Variants in HOXA3 observed in about 807,000 individuals in gnomAD.
HOXA3 encodes the protein homeobox protein Hox-A3.
HOXA3 carries 8 observed loss-of-function variants against 30.3 expected under a neutral mutation model. The observed-to-expected ratio is 0.26, with a 90% CI of 0.15 to 0.48. The LOEUF (loss-of-function observed/expected upper bound fraction) is 0.48. Ranked by LOEUF, HOXA3 falls within the 20% of genes least tolerant of loss-of-function variation. HOXA3 has a pLI of 0.99. For missense variants in HOXA3, 653 were observed against 614.4 expected (o/e 1.06, Z -0.66); for synonymous variants, 323 against 273.1 (o/e 1.18, Z -1.80).
chr7:27,142,160 A>G (rs1351196069), intron 1 of HOXA3: 4 of 1,519,040 alleles, frequency 2.6e-6, no homozygotes, highest in Non-Finnish European at 2.6e-6. Context: ...AGCTTGGGTC[A>G]TGAGCAGGGA....
intron 2 of HOXA3, among the ~76,000 whole-genome samples, chr7:27,136,629 C>T (rs1179001575): frequency 6.6e-6 from 1 of 152,198 alleles, no homozygotes; most frequent in African/African-American, 2.4e-5. Context: ...ATTTACTTAA[C>T]CCGGCAGTGA....
intron 4 of HOXA3, among the ~76,000 whole-genome samples, chr7:27,118,594 A>G (rs1467321197): frequency 2.0e-5 from 3 of 152,214 alleles, no homozygotes; most frequent in Non-Finnish European, 4.4e-5. Context: ...CATATAAGAC[A>G]TACAAGCTTA....
rs1418077557 is a variant in HOXA3 at position 27,147,237 on chromosome 7, G to A, written c.-494+5051C>T. ...TTCTCTCTATTCCTCTTTCTACTCT[G>A]TTTCCTCCTTCTTTCTTTCTTTTCC... On this transcript the variant is annotated intron_variant, in intron 1 of 5. Transcript: ENST00000612286. 5 of 1,386,636 alleles carry A rather than the reference G, an allele frequency of 3.6e-6. No individual in the cohort carries two copies. The South Asian group carries it at 3.9e-5, about 11-fold the overall frequency. The allele number at this position is 1,386,636 out of a possible 1,614,324, so 85.9% of individuals were successfully genotyped here.
chr7:27,138,869 T>TTC (rs1785798744), intron 2 of HOXA3, among the ~76,000 whole-genome samples: 1 of 152,262 alleles, frequency 6.6e-6, no homozygotes, highest in Non-Finnish European at 1.5e-5. Context: ...ATTTCTTCCC[T>TTC]AAACTACCGT....
rs1214191301 is a variant in HOXA3 at position 27,108,686 on chromosome 7, C to T, written c.561G>A (p.Gly187=). Residue 187 remains glycine (G), a synonymous_variant, in exon 6 of 6, where the codon GGG becomes GGA. Coordinates refer to ENST00000612286, the MANE Select transcript of HOXA3 (RefSeq NM_153631.3). The surrounding 1 kb of genome is among the most constrained non-coding windows in gnomAD (Gnocchi z 5.0). ...TGCGCGCGCGCTTGGACGAAGCCTG[C>T]CCCGGCGGGCTCTTGTCGCCAGCGC... ...ESCAGDKSPP[G]QASSKRARTA... The T allele has an allele frequency of 1.2e-6, 2 of 1,607,170 alleles. No homozygotes were observed. Among genetic ancestry groups the T allele is most frequent in the Non-Finnish European group, 1.7e-6 (2 of 1,175,000 alleles).
chr7:27,135,734 T>A (rs964649824), intron 2 of HOXA3, among the ~76,000 whole-genome samples: 1 of 152,194 alleles, frequency 6.6e-6, no homozygotes, highest in Non-Finnish European at 1.5e-5. Context: ...TTTGAAGGCA[T>A]AATGAAATAT....
rs1318707222 is a variant in HOXA3 at position 27,147,802 on chromosome 7, A to G, written c.-494+4486T>C. The G allele has an allele frequency of 8.1e-6, 12 of 1,486,740 alleles. No homozygotes were observed. In the East Asian group the frequency reaches 2.1e-4, roughly 25 times the overall value. 92.1% of individuals were successfully genotyped at this position (1,486,740 alleles called of 1,614,324 possible). On this transcript the variant is annotated intron_variant, in intron 1 of 5. Transcript: ENST00000612286. ...TTGTTGTGTATTAGTACATCTGGCT[A>G]TAACTATTAGTAGTCATCGAACTGG...
At chr7:27,119,252 G>A (rs1334412650) in intron 4 of HOXA3, among the ~76,000 whole-genome samples, 1 of 148,864 alleles carries the variant, frequency 6.7e-6, no homozygotes, top group African/African-American at 2.5e-5. Flanking sequence ...AGGCAGGTCT[G>A]TCCACCCACT....
chr7:27,129,190 G>A (rs1360455681), intron 2 of HOXA3: 1 of 1,210,940 alleles, frequency 8.3e-7, no homozygotes. Flanking sequence ...AGAAAAGCAG[G>A]TAAGGGATAG....
chr7:27,111,513 T>TGTGTGTGTGTGTGTGTGTGTGTGTGTG (rs1554336191), intron 4 of HOXA3, among the ~76,000 whole-genome samples: 1 of 148,486 alleles, frequency 6.7e-6, no homozygotes, highest in Admixed American at 6.8e-5. Flanking sequence ...TGTGTGTGTG[T>TGTGTGTGTGTGTGTGTGTGTGTGTGTG]TTAGGGTGAG....
intron 2 of HOXA3, among the ~76,000 whole-genome samples, chr7:27,127,689 T>C (rs1237301373): frequency 2.0e-5 from 3 of 152,212 alleles, no homozygotes; most frequent in African/African-American, 7.2e-5. Flanking sequence ...ACTAGGGTTA[T>C]AGAGATCGAG....
intron 4 of HOXA3, among the ~76,000 whole-genome samples, chr7:27,111,740 G>A (rs922896122): frequency 1.3e-5 from 2 of 152,000 alleles, no homozygotes; most frequent in African/African-American, 4.8e-5. Context: ...GTTAAAACAT[G>A]ATGGATTAGA....
Position 27,110,194 on chromosome 7 carries a change from G to A in HOXA3, c.447C>T (p.Pro149=). 6.2e-7 allele frequency: 1 copy of A among 1,614,174 alleles called. No individual in the cohort carries two copies. Among genetic ancestry groups the A allele is most frequent in the Non-Finnish European group, 8.5e-7 (1 of 1,180,028 alleles). ...AGGGGAAGATTTGTTTGGCCACTGT[G>A]GGTGAGTTGAGCAGGGGGCTCTTGG... ...NAAKSPLLNS[P]TVAKQIFPWM... Residue 149 remains proline (P), a synonymous_variant, in exon 5 of 6, where the codon CCC becomes CCT. Transcript: ENST00000612286.
rs182660365 is a variant in HOXA3, at chr7:27,107,623, C to A, written c.*292G>T. The A allele has an allele frequency of 1.1e-4, 36 of 340,506 alleles. No individual in the cohort carries two copies. The Middle Eastern group carries it at 3.1e-3, about 29-fold the overall frequency. The allele number at this position is 340,506 out of a possible 1,614,324, so 21.1% of individuals were successfully genotyped here. ...TTTGTTCATATACCCTGTTTCTGAT[C>A]AAAGAGTGGAGAAGGTAAAGGGTGC... On this transcript the variant is annotated 3_prime_UTR_variant, in exon 6 of 6. Coordinates refer to ENST00000612286, the MANE Select transcript of HOXA3 (RefSeq NM_153631.3).
intron 1 of HOXA3, among the ~76,000 whole-genome samples, chr7:27,145,073 T>C (rs1782703286): frequency 6.6e-6 from 1 of 152,142 alleles, no homozygotes; most frequent in African/African-American, 2.4e-5. Flanking sequence ...CTGGGCTCTG[T>C]TGGGGCCCCC....
At chr7:27,114,210 T>C (rs1485509567) in intron 4 of HOXA3, among the ~76,000 whole-genome samples, 1 of 151,486 alleles carries the variant, frequency 6.6e-6, no homozygotes, top group Non-Finnish European at 1.5e-5. Flanking sequence ...GCCCTCCCTC[T>C]CCTGCTCCCA....
At chr7:27,130,945 C>G in intron 2 of HOXA3, 5 of 595,808 alleles carry the variant, frequency 8.4e-6, no homozygotes, top group Non-Finnish European at 1.5e-5. Flanking sequence ...CGCCCCGCCC[C>G]GTGCCCCACG....
At chr7:27,132,640 C>T (rs1785594727) in intron 2 of HOXA3, among the ~76,000 whole-genome samples, 3 of 152,158 alleles carry the variant, frequency 2.0e-5, no homozygotes, top group Admixed American at 2.0e-4. Flanking sequence ...AGACAGAAAT[C>T]AACACTGAGT....
rs1337485368 is a variant in HOXA3 at position 27,110,609 on chromosome 7, G to A, written c.32C>T (p.Ala11Val). 7 of 1,607,160 alleles carry A rather than the reference G, an allele frequency of 4.4e-6. No homozygotes were observed. Among genetic ancestry groups the A allele is most frequent in the Non-Finnish European group, 6.0e-6 (7 of 1,175,078 alleles). Residue 11 changes from alanine (A) to valine (V), a missense_variant, in exon 5 of 6, where the codon GCG becomes GTG. Around this residue, in one of 3 missense-constraint regions of HOXA3, gnomAD observed 320 missense variants for 321.9 expected, o/e 0.99. Transcript: ENST00000612286. Reference sequence around the variant, plus strand: ...CTGGTAGGGGTAGCCACCGTAGATCGCCGAGCTGTCGTAGTAGGTCGCTTT... The same window carrying A: ...CTGGTAGGGGTAGCCACCGTAGATCACCGAGCTGTCGTAGTAGGTCGCTTT... MQKATYYDSS[A>V]IYGGYPYQAA...
Sources: gnomAD v4.1 joint callset for allele counts (sites outside exome capture counted in the v4.1 genomes callset) on GRCh38, gnomAD v4.1.1 for gene constraint, gnomAD v4.1.1 regional missense constraint, Gnocchi (gnomAD v3.1) non-coding constraint, MANE v1.5 for transcripts, NCBI Gene and HGNC (gene_info 2026-07-23, HGNC 2026-07-21) for gene names.